ZFHX3: variants seen among roughly 807,000 people sequenced by gnomAD.
ZFHX3 encodes zinc finger homeobox protein 3.
In ZFHX3, 42 loss-of-function variants were observed where a neutral mutation model predicts 279.1. The ratio of observed to expected loss-of-function variants is 0.15; its 90% CI spans 0.12 to 0.19. The LOEUF is 0.19. ZFHX3 is among the 10% of genes least tolerant of loss of function. The pLI is 1.00. For synonymous variants in ZFHX3, 2,293 were observed against 1,957.8 expected, an observed-to-expected ratio of 1.17 and a Z score of -4.52; for missense variants, 4,981 against 4,754.0, an observed-to-expected ratio of 1.05 and a Z score of -1.40.
intron 1 of ZFHX3, among the ~76,000 whole-genome samples, chr16:73,792,856 A>G (rs994563282): frequency 7.4e-6 from 1 of 135,100 alleles, no homozygotes; most frequent in South Asian, 2.6e-4. Context: ...CATACAGTGC[A>G]CCCCCCCCCT....
At position 73,449,218 on chromosome 16, in the gene ZFHX3, T is replaced by C. The variant is rs188661051; in HGVS notation, c.-1291+6785A>G. ...TTCCTCAAATTTTATACCCAGCTAATGTGTCCTTTCATTTATTCATTTATT... is the reference window on the plus strand; with the variant it reads ...TTCCTCAAATTTTATACCCAGCTAACGTGTCCTTTCATTTATTCATTTATT... On this transcript the variant is annotated intron_variant, in intron 3 of 17. Coordinates refer to the ZFHX3 transcript ENST00000641206. Among the ~76,000 whole-genome samples, 4 of 152,362 alleles carry C rather than the reference T, an allele frequency of 2.6e-5. No homozygotes were observed. In the East Asian group the frequency reaches 7.7e-4, roughly 29 times the overall value.
At position 73,647,084 on chromosome 16, in the gene ZFHX3, C is replaced by T. The variant is rs1235215395; in HGVS notation, c.-1547+33096G>A. ...GTTGGAGTGTGTGGCGCGATCTCGG[C>T]GCACTGCACGGTCCGACTCCCAGGT... is the stretch of plus-strand genomic sequence containing the variant. On this transcript the variant is annotated intron_variant, in intron 2 of 17. Coordinates refer to the ZFHX3 transcript ENST00000641206. Among the ~76,000 whole-genome samples the T allele has an allele frequency of 2.7e-5, 4 of 148,130 alleles. No individual in the cohort carries two copies. The Admixed American group carries it at 2.8e-4, about 10-fold the overall frequency.
chr16:72,823,717 T>C (rs1244519850), intron 5 of ZFHX3, among the ~76,000 whole-genome samples: 1 of 152,202 alleles, frequency 6.6e-6, no homozygotes, highest in Non-Finnish European at 1.5e-5. Context: ...CAACTGTCCC[T>C]ACCCCAGTCA....
At chr16:72,821,135 G>A (rs888468552) in intron 5 of ZFHX3, among the ~76,000 whole-genome samples, 2 of 152,198 alleles carry the variant, frequency 1.3e-5, no homozygotes, top group Non-Finnish European at 2.9e-5. Flanking sequence ...GACAGACAGG[G>A]AGAACTGCTG....
intron 1 of ZFHX3, among the ~76,000 whole-genome samples, chr16:73,848,337 G>A (rs1300875464): frequency 6.6e-6 from 1 of 151,994 alleles, no homozygotes; most frequent in Admixed American, 6.6e-5. Flanking sequence ...CTATGCTCAG[G>A]ACTGAACCTA....
rs552382300 is a variant in ZFHX3, at chr16:73,075,893, G to A, written c.-532-16881C>T. 3.9e-5 allele frequency among the ~76,000 whole-genome samples: 6 copies of A among 152,282 alleles called. No individual in the cohort carries two copies. The South Asian group carries it at 1.0e-3, about 26-fold the overall frequency. On this transcript the variant is annotated intron_variant, in intron 8 of 17. Transcript: ENST00000641206. ...GATGCGCCTGCCTCAGCCTCCCAAA[G>A]TGCTGGGATTATAGGTGTGAGCCAC...
intron 1 of ZFHX3, among the ~76,000 whole-genome samples, chr16:73,820,377 A>G (rs1355182315): frequency 1.3e-5 from 2 of 152,126 alleles, no homozygotes; most frequent in Non-Finnish European, 2.9e-5. Context: ...CCGGCCTGGG[A>G]GTAACTCTTA....
At chr16:73,551,698 A>G (rs1190108582) in intron 2 of ZFHX3, among the ~76,000 whole-genome samples, 3 of 152,234 alleles carry the variant, frequency 2.0e-5, no homozygotes, top group Admixed American at 6.5e-5. Flanking sequence ...TTTCATATCA[A>G]TGTACATAGC....
At chr16:73,035,791 C>A (rs374993571) in intron 1 of ZFHX3, among the ~76,000 whole-genome samples, 62 of 152,328 alleles carry the variant, frequency 4.1e-4, no homozygotes, top group African/African-American at 1.4e-3. Context: ...GTAGTCCCAG[C>A]TACTCGGGAG....
At chr16:72,987,643 C>T (rs866295003) in intron 1 of ZFHX3, among the ~76,000 whole-genome samples, 3 of 152,182 alleles carry the variant, frequency 2.0e-5, no homozygotes, top group South Asian at 2.1e-4. Context: ...CCCAAACACA[C>T]AGAAATCAGA....
chr16:73,051,783 A>G (rs1485039297), upstream of ZFHX3, among the ~76,000 whole-genome samples: 1 of 151,924 alleles, frequency 6.6e-6, no homozygotes, highest in Non-Finnish European at 1.5e-5. Context: ...ACAGCTTTAC[A>G]TGTTAGGTAA....
intron 2 of ZFHX3, among the ~76,000 whole-genome samples, chr16:73,648,751 C>T (rs1252074230): frequency 6.6e-6 from 1 of 152,100 alleles, no homozygotes; most frequent in African/African-American, 2.4e-5. Context: ...ATTTGCTTTG[C>T]CCCATTGATG....
intron 7 of ZFHX3, among the ~76,000 whole-genome samples, chr16:73,120,189 T>TAGGC (rs1233670068): frequency 2.0e-5 from 3 of 152,206 alleles, no homozygotes; most frequent in Admixed American, 1.3e-4. Flanking sequence ...CATTTCCCAT[T>TAGGC]TCTAGTCCTG....
intron 3 of ZFHX3, among the ~76,000 whole-genome samples, chr16:73,423,558 G>C (rs2017757261): frequency 6.6e-6 from 1 of 152,136 alleles, no homozygotes; most frequent in Non-Finnish European, 1.5e-5. Flanking sequence ...GGAAAAGTTT[G>C]CTGTTAAGAG....
chr16:73,857,777 G>A (rs1961773646), intron 1 of ZFHX3, among the ~76,000 whole-genome samples: 1 of 152,156 alleles, frequency 6.6e-6, no homozygotes, highest in Admixed American at 6.5e-5. Context: ...GCTGGTAGAG[G>A]CTGATCCTCA....
intron 1 of ZFHX3, among the ~76,000 whole-genome samples, chr16:73,039,701 AT>A (rs929916179): frequency 9.8e-4 from 149 of 152,110 alleles, no homozygotes; most frequent in African/African-American, 3.4e-3. Context: ...CTCTTTTTTT[AT>A]TTTTTTATTT....
chr16:73,238,391 C>T (rs2013018315), intron 5 of ZFHX3, among the ~76,000 whole-genome samples: 2 of 152,150 alleles, frequency 1.3e-5, no homozygotes, highest in Admixed American at 1.3e-4. Flanking sequence ...CCCTTCAATT[C>T]AGGGCACCCC....
At chr16:73,237,233 G>A (rs2012977767) in intron 5 of ZFHX3, among the ~76,000 whole-genome samples, 1 of 152,120 alleles carries the variant, frequency 6.6e-6, no homozygotes, top group Non-Finnish European at 1.5e-5. Context: ...TAGAACCCGT[G>A]ACTTAAAGGT....
intron 8 of ZFHX3, among the ~76,000 whole-genome samples, chr16:73,079,624 C>T (rs1183215219): frequency 1.3e-5 from 2 of 152,014 alleles, no homozygotes; most frequent in African/African-American, 4.8e-5. Flanking sequence ...CAAGCGTGAG[C>T]TGCCACACCT....
Sources: allele counts gnomAD v4.1 joint callset (sites outside exome capture counted in the v4.1 genomes callset), GRCh38; gene constraint gnomAD v4.1.1; transcripts MANE v1.5; gene names NCBI Gene and HGNC (gene_info 2026-07-23, HGNC 2026-07-21).